The following RNLS variants were observed in gnomAD, a reference collection of about 807,000 sequenced individuals.
RNLS encodes renalase, FAD dependent amine oxidase, also known as renalase.
Under a neutral mutation model 39.8 loss-of-function variants are expected in RNLS, and 39 were observed. The observed-to-expected ratio is 0.98, with a 90% confidence interval of 0.76 to 1.28. The LOEUF is 1.28. RNLS is among the 50% of genes most tolerant of loss of function. The pLI, the probability that RNLS is intolerant of heterozygous loss-of-function variation, is 0.00. For synonymous variants in RNLS, 147 were observed against 150.7 expected, an observed-to-expected ratio of 0.98 and a Z score of 0.18; for missense variants, 410 against 413.3, an observed-to-expected ratio of 0.99 and a Z score of 0.07.
Position 88,546,363 on chromosome 10 carries a change from A to T in RNLS, c.526+26540T>A, listed in dbSNP as rs143176398. ...TTTTATATTATTATAAAAAGAAAAA[A>T]TGATTTGCTGATCTTTCCATCTGCT... On this transcript the variant is annotated intron_variant, in intron 4 of 6. Coordinates refer to ENST00000331772, the MANE Select transcript of RNLS (RefSeq NM_001031709.3). Among the ~76,000 whole-genome samples the T allele has an allele frequency of 5.8e-3, 881 of 152,166 alleles. 5 individuals carry two copies. The highest frequency in any genetic ancestry group is 0.011 in the Non-Finnish European group (728 of 67,964).
chr10:88,319,952 C>G (rs1846052743), intron 5 of RNLS, among the ~76,000 whole-genome samples: 1 of 151,750 alleles, frequency 6.6e-6, no homozygotes, highest in South Asian at 2.1e-4. Flanking sequence ...TCGCAAGATA[C>G]TACAGAAGAT....
At chr10:88,187,293 C>T in the RNLS span, among the ~76,000 whole-genome samples, 1 of 150,250 alleles carries the variant, frequency 6.7e-6, no homozygotes, top group East Asian at 1.9e-4. Flanking sequence ...TCAGTTTCTA[C>T]ATTTGTGTTG....
At chr10:88,424,187 C>T (rs777212718) in intron 4 of RNLS, among the ~76,000 whole-genome samples, 10 of 152,162 alleles carry the variant, frequency 6.6e-5, no homozygotes, top group Non-Finnish European at 8.8e-5. Flanking sequence ...GCTTGTTCCA[C>T]CAACATGCAT....
chr10:88,526,238 C>A (rs182736874), intron 4 of RNLS, among the ~76,000 whole-genome samples: 2 of 151,228 alleles, frequency 1.3e-5, no homozygotes, highest in African/African-American at 4.9e-5. Context: ...TATAGCAAAT[C>A]TTTAACACAT....
chr10:88,425,456 T>C (rs565511010), intron 4 of RNLS, among the ~76,000 whole-genome samples: 7 of 152,262 alleles, frequency 4.6e-5, no homozygotes, highest in African/African-American at 1.4e-4. Flanking sequence ...TCCTAATGTG[T>C]TTCTGTACAA....
At chr10:88,572,356 A>C (rs370694309) in intron 4 of RNLS, among the ~76,000 whole-genome samples, 2 of 148,896 alleles carry the variant, frequency 1.3e-5, no homozygotes, top group East Asian at 2.0e-4. Flanking sequence ...AGAAAGGATA[A>C]AAATTTTCTT....
At chr10:88,543,676 A>G (rs181605027) in intron 4 of RNLS, among the ~76,000 whole-genome samples, 5 of 152,298 alleles carry the variant, frequency 3.3e-5, no homozygotes, top group African/African-American at 1.2e-4. Flanking sequence ...CGTATGTCTC[A>G]AAATAAAATC....
chr10:88,481,294 T>G lies in RNLS; in HGVS notation c.526+91609A>C, dbSNP rs551440904. 9.2e-5 allele frequency among the ~76,000 whole-genome samples: 14 copies of G among 152,320 alleles called. No homozygotes were observed. The East Asian group carries it at 2.7e-3, about 29-fold the overall frequency. ...AACCTCTGTCTTCTGACTGAGATGTTTAGGCCATTCACATTTAATTATCAT... is the reference window on the plus strand; with the variant it reads ...AACCTCTGTCTTCTGACTGAGATGTGTAGGCCATTCACATTTAATTATCAT... On this transcript the variant is annotated intron_variant, in intron 4 of 6. Transcript: ENST00000331772.
chr10:88,247,557 A>G, the RNLS span, among the ~76,000 whole-genome samples: 1 of 152,176 alleles, frequency 6.6e-6, no homozygotes, highest in South Asian at 2.1e-4. Context: ...AACAATAACA[A>G]TGCCTACCTC....
intron 6 of RNLS, among the ~76,000 whole-genome samples, chr10:88,289,726 T>C (rs968388112): frequency 1.3e-5 from 2 of 152,122 alleles, no homozygotes; most frequent in Admixed American, 6.6e-5. Flanking sequence ...AAAAAAGATA[T>C]TGTACACAGT....
chr10:88,254,740 T>C, the RNLS span, among the ~76,000 whole-genome samples: 9 of 152,244 alleles, frequency 5.9e-5, no homozygotes, highest in African/African-American at 1.9e-4. Flanking sequence ...CCTAACGAGC[T>C]AACATAGAGA....
chr10:88,448,354 C>A (rs1219528099), intron 4 of RNLS, among the ~76,000 whole-genome samples: 1 of 152,172 alleles, frequency 6.6e-6, no homozygotes, highest in Non-Finnish European at 1.5e-5. Context: ...TGAACAGACA[C>A]TTCTCAAAAG....
chr10:88,222,887 C>T, the RNLS span, among the ~76,000 whole-genome samples: 3 of 152,226 alleles, frequency 2.0e-5, no homozygotes, highest in Admixed American at 1.3e-4. Flanking sequence ...TAGTCAGCTT[C>T]CTGGCCTTAG....
intron 4 of RNLS, among the ~76,000 whole-genome samples, chr10:88,496,760 TA>T (rs1845199080): frequency 6.6e-6 from 1 of 152,110 alleles, no homozygotes; most frequent in Non-Finnish European, 1.5e-5. Context: ...GAAATGATAT[TA>T]ATAGATAGAG....
At chr10:88,274,475 T>C (rs1298924243) in exon 7 of RNLS, 1 of 154,304 alleles carries the variant, frequency 6.5e-6, no homozygotes, top group African/African-American at 2.4e-5. Context: ...CTTATTCCAC[T>C]TTGCATAATG....
the RNLS span, among the ~76,000 whole-genome samples, chr10:88,212,766 T>C: frequency 6.6e-6 from 1 of 152,204 alleles, no homozygotes. Flanking sequence ...AAGGACTAAG[T>C]TGTGGAATGA....
intron 4 of RNLS, among the ~76,000 whole-genome samples, chr10:88,457,787 C>T (rs1389038042): frequency 6.6e-6 from 1 of 152,156 alleles, no homozygotes; most frequent in Non-Finnish European, 1.5e-5. Context: ...ATCTAGGTGT[C>T]CCAATCAACA....
intron 4 of RNLS, among the ~76,000 whole-genome samples, chr10:88,391,510 G>A (rs1184099717): frequency 6.6e-6 from 1 of 152,018 alleles, no homozygotes; most frequent in African/African-American, 2.4e-5. Context: ...GTAAGCCAAG[G>A]TCGCGCCACT....
At chr10:88,442,491 C>T (rs545072875) in intron 4 of RNLS, among the ~76,000 whole-genome samples, 1 of 152,282 alleles carries the variant, frequency 6.6e-6, no homozygotes, top group African/African-American at 2.4e-5. Flanking sequence ...AAAAGCAGAA[C>T]TCATTACCTA....
Sources: gnomAD v4.1 joint callset for allele counts (sites outside exome capture counted in the v4.1 genomes callset) on GRCh38, gnomAD v4.1.1 for gene constraint, MANE v1.5 for transcripts, NCBI Gene and HGNC (gene_info 2026-07-23, HGNC 2026-07-21) for gene names.